XKR4: variants seen among roughly 807,000 people sequenced by gnomAD.
XKR4 encodes the protein XK-related protein 4.
XKR4 carries 12 observed loss-of-function variants against 53.9 expected under a neutral mutation model. The observed-to-expected ratio is 0.22, with a 90% confidence interval of 0.14 to 0.36. XKR4 has a LOEUF of 0.36. XKR4 is among the 10% of genes least tolerant of loss of function. The pLI is 1.00. For missense variants in XKR4, 799 were observed against 859.5 expected, an observed-to-expected ratio of 0.93 and a Z score of 0.88; for synonymous variants, 354 against 362.4, an observed-to-expected ratio of 0.98 and a Z score of 0.26.
chr8:55,361,979 A>C (rs1004875528), intron 2 of XKR4, among the ~76,000 whole-genome samples: 3 of 152,166 alleles, frequency 2.0e-5, no homozygotes, highest in Admixed American at 6.5e-5. Context: ...AGGTGTCCTG[A>C]ACTTCAGCCC....
chr8:55,423,679 C>T (rs1291032047), intron 2 of XKR4, among the ~76,000 whole-genome samples: 2 of 152,208 alleles, frequency 1.3e-5, no homozygotes, highest in African/African-American at 2.4e-5. Context: ...CTTCATTAGA[C>T]TATAAACTCC....
intron 1 of XKR4, among the ~76,000 whole-genome samples, chr8:55,189,356 C>T (rs1028730686): frequency 8.5e-5 from 13 of 152,094 alleles, no homozygotes; most frequent in Admixed American, 7.9e-4. Flanking sequence ...TGTATGAGTA[C>T]GATCATGCCT....
intron 2 of XKR4, among the ~76,000 whole-genome samples, chr8:55,448,650 C>T (rs1805378313): frequency 6.6e-6 from 1 of 152,152 alleles, no homozygotes; most frequent in East Asian, 1.9e-4. Flanking sequence ...CCTTGGTTTT[C>T]TGGTTTCCTG....
intron 1 of XKR4, among the ~76,000 whole-genome samples, chr8:55,149,498 G>A (rs1816813861): frequency 6.6e-6 from 1 of 152,170 alleles, no homozygotes; most frequent in Non-Finnish European, 1.5e-5. Context: ...GGGTGGTGGG[G>A]AGCCTTTGGC....
intron 1 of XKR4, among the ~76,000 whole-genome samples, chr8:55,157,349 A>C (rs1039131279): frequency 6.6e-6 from 1 of 152,216 alleles, no homozygotes; most frequent in Non-Finnish European, 1.5e-5. Flanking sequence ...TGATAAAGAG[A>C]TAGCATCATC....
At chr8:55,270,106 C>T (rs189381212) in intron 1 of XKR4, among the ~76,000 whole-genome samples, 2 of 152,246 alleles carry the variant, frequency 1.3e-5, no homozygotes, top group Admixed American at 1.3e-4. Flanking sequence ...AGGATGGAAC[C>T]CTTCTTGTGG....
chr8:55,533,405 T>C lies in XKR4; in HGVS notation c.*9178T>C, dbSNP rs1342895388. 1 of 152,214 alleles carries C rather than the reference T, an allele frequency of 6.6e-6. No homozygotes were observed. Among genetic ancestry groups the C allele is most frequent in the African/African-American group, 2.4e-5 (1 of 41,444 alleles). The allele number at this position is 152,214 out of a possible 1,614,324, so 9.4% of individuals were successfully genotyped here. A position where few individuals can be genotyped will look rare whatever the true frequency, so the allele number is the denominator to read the frequency against. ...CTTTCAAAAAATTAAAATATTCAACTTCCCTTATTAACCTTTCTAATGCAT... is the reference window on the plus strand; with the variant it reads ...CTTTCAAAAAATTAAAATATTCAACCTCCCTTATTAACCTTTCTAATGCAT... On this transcript the variant is annotated 3_prime_UTR_variant, in exon 3 of 3. Coordinates refer to ENST00000327381, the MANE Select transcript of XKR4 (RefSeq NM_052898.2).
At chr8:55,449,201 C>G (rs1221699578) in intron 2 of XKR4, among the ~76,000 whole-genome samples, 4 of 150,624 alleles carry the variant, frequency 2.7e-5, no homozygotes, top group African/African-American at 9.8e-5. Context: ...CATTCATTCT[C>G]TCTTTATATA....
chr8:55,329,359 C>A (rs1803349066), intron 1 of XKR4, among the ~76,000 whole-genome samples: 1 of 151,728 alleles, frequency 6.6e-6, no homozygotes, highest in Non-Finnish European at 1.5e-5. Context: ...AAACTTTCTT[C>A]AAACATGAGA....
At position 55,523,676 on chromosome 8, in the gene XKR4, A is replaced by G; in HGVS notation, c.1402A>G (p.Asn468Asp). 1 of 1,614,210 alleles carries G rather than the reference A, an allele frequency of 6.2e-7. No individual in the cohort carries two copies. Among genetic ancestry groups the G allele is most frequent in the Non-Finnish European group, 8.5e-7 (1 of 1,180,036 alleles). ...FIYYFVILLENTALSALWYLY... is the reference protein window; with the variant it reads ...FIYYFVILLEDTALSALWYLY... ...TTACTATTTTGTGATCCTTTTGGAA[A>G]ATACAGCCTTGAGTGCCCTCTGGTA... The change falls in exon 3 of 3, where the codon AAT becomes GAT. Residue 468 changes from asparagine to aspartate, a missense_variant. By Grantham distance (23) the Asn-to-Asp change is conservative. Transcript: ENST00000327381.
rs375997825 is a variant in XKR4 at position 55,264,050 on chromosome 8, T to C, written c.807-93628T>C. Reference sequence around the variant, plus strand: ...CAGTACTCCAAAGCACTACATAATGTCTCCCAAATCTCCCTTGCTCATCTT... The same window carrying C: ...CAGTACTCCAAAGCACTACATAATGCCTCCCAAATCTCCCTTGCTCATCTT... On this transcript the variant is annotated intron_variant, in intron 1 of 2. Transcript: ENST00000327381. Among the ~76,000 whole-genome samples the C allele has an allele frequency of 4.1e-4, 62 of 152,266 alleles. 1 individual carries two copies. In the South Asian group the frequency reaches 0.013, roughly 31 times the overall value.
chr8:55,332,948 A>G (rs1226852284), intron 1 of XKR4, among the ~76,000 whole-genome samples: 2 of 150,828 alleles, frequency 1.3e-5, no homozygotes, highest in African/African-American at 2.4e-5. Context: ...AGACTTGACA[A>G]TTTCAAATGA....
intron 1 of XKR4, among the ~76,000 whole-genome samples, chr8:55,254,627 G>A (rs1330185959): frequency 6.6e-6 from 1 of 152,156 alleles, no homozygotes; most frequent in African/African-American, 2.4e-5. Context: ...ATGCTAGAAA[G>A]GCACTGAGCA....
intron 1 of XKR4, among the ~76,000 whole-genome samples, chr8:55,202,899 T>A (rs61458356): frequency 0.043 from 6,563 of 152,282 alleles, 466 homozygotes; most frequent in African/African-American, 0.15. Context: ...AGAGCAGCCC[T>A]GCTGGCTCGT....
chr8:55,440,472 T>C (rs1214118977), intron 2 of XKR4, among the ~76,000 whole-genome samples: 1 of 152,196 alleles, frequency 6.6e-6, no homozygotes, highest in African/African-American at 2.4e-5. Flanking sequence ...AAAGGAGTTA[T>C]GATGTGGGAA....
At chr8:55,390,081 A>G (rs1234612640) in intron 2 of XKR4, among the ~76,000 whole-genome samples, 1 of 152,204 alleles carries the variant, frequency 6.6e-6, no homozygotes, top group African/African-American at 2.4e-5. Context: ...TGGTTATCTC[A>G]ATTTCCAGTA....
chr8:55,449,581 G>C (rs1805396907), intron 2 of XKR4: 1 of 1,343,386 alleles, frequency 7.4e-7, no homozygotes, highest in Non-Finnish European at 1.1e-6. Flanking sequence ...GGGCACAAAA[G>C]TCGTAAACGC....
chr8:55,456,113 G>A (rs1036082403), intron 2 of XKR4, among the ~76,000 whole-genome samples: 6 of 152,022 alleles, frequency 3.9e-5, no homozygotes, highest in African/African-American at 1.4e-4. Context: ...CCATACTCAG[G>A]AAAAAAAGGA....
chr8:55,419,450 G>A (rs1045193890), intron 2 of XKR4, among the ~76,000 whole-genome samples: 1 of 152,152 alleles, frequency 6.6e-6, no homozygotes, highest in Non-Finnish European at 1.5e-5. Flanking sequence ...TTTTAAATCT[G>A]ACTGTTCTAG....
Sources: allele counts gnomAD v4.1 joint callset (sites outside exome capture counted in the v4.1 genomes callset), GRCh38; gene constraint gnomAD v4.1.1; transcripts MANE v1.5; gene names NCBI Gene and HGNC (gene_info 2026-07-23, HGNC 2026-07-21).